TM4SF20: variants seen among roughly 807,000 people sequenced by gnomAD.
The protein encoded by TM4SF20 is transmembrane 4 L6 family member 20.
TM4SF20 carries 13 observed loss-of-function variants against 15.1 expected under a neutral mutation model. That is an observed-to-expected ratio of 0.86 (90% confidence interval 0.56 to 1.36). The LOEUF is 1.36. TM4SF20 is among the 40% of genes most tolerant of loss of function. The pLI is 0.00. For synonymous variants in TM4SF20, 92 were observed against 96.6 expected (o/e 0.95, Z 0.28); for missense variants, 282 against 268.4 (o/e 1.05, Z -0.35).
chr2:227,364,099 A>G, intron 3 of TM4SF20, 87 bp from the exon 4 acceptor site: 1 of 1,305,882 alleles, frequency 7.7e-7, no homozygotes. Flanking sequence ...AATGAGTGAA[A>G]CGAATGTACT....
intron 2 of TM4SF20, among the ~76,000 whole-genome samples, chr2:227,368,354 T>TATATATAA (rs1400432970): frequency 4.4e-5 from 6 of 136,360 alleles, no homozygotes; most frequent in Non-Finnish European, 6.2e-5. Context: ...TATATATATA[T>TATATATAA]AATTTTTTGT....
chr2:227,363,643 C>A lies in TM4SF20; in HGVS notation c.*81G>T, dbSNP rs1028056119. 5.0e-5 allele frequency: 71 copies of A among 1,409,332 alleles called. No homozygotes were observed. The East Asian group carries it at 1.6e-3, about 31-fold the overall frequency. 87.3% of individuals were successfully genotyped at this position (1,409,332 alleles called of 1,614,324 possible). The stretch of plus-strand genomic sequence containing the variant: ...TACGTGAAGGGTTGATTTTTTAAAT[C>A]ATCTCAAAGATGACTTTGAAAACAA... On this transcript the variant is annotated 3_prime_UTR_variant, in exon 4 of 4. Coordinates refer to ENST00000304568, the MANE Select transcript of TM4SF20 (RefSeq NM_024795.4).
chr2:227,381,089 A>G (rs1242334350), upstream of TM4SF20, among the ~76,000 whole-genome samples: 1 of 152,200 alleles, frequency 6.6e-6, no homozygotes, highest in Non-Finnish European at 1.5e-5. Flanking sequence ...AGCCTGGCCA[A>G]TATGGCAAAA....
intron 1 of TM4SF20, among the ~76,000 whole-genome samples, chr2:227,376,600 G>T (rs1356600696): frequency 6.6e-6 from 1 of 152,124 alleles, no homozygotes; most frequent in Non-Finnish European, 1.5e-5. Context: ...ACTTACTGAG[G>T]GTGATAAAGT....
chr2:227,372,033 C>T (rs971280222), intron 1 of TM4SF20, among the ~76,000 whole-genome samples: 5 of 152,138 alleles, frequency 3.3e-5, no homozygotes, highest in African/African-American at 4.8e-5. Flanking sequence ...AGTTTTGTAT[C>T]ATTGAAGGGT....
intron 3 of TM4SF20, 82 bp from the exon 4 acceptor site, chr2:227,364,094 G>A: frequency 7.4e-7 from 1 of 1,345,184 alleles, no homozygotes; most frequent in South Asian, 1.5e-5. Flanking sequence ...AAAAGAATGA[G>A]TGAAACGAAT....
At chr2:227,367,941 C>G (rs1314043376) in intron 2 of TM4SF20, among the ~76,000 whole-genome samples, 1 of 151,378 alleles carries the variant, frequency 6.6e-6, no homozygotes, top group East Asian at 1.9e-4. Context: ...AATCCTGATT[C>G]TTCCATGCTA....
intron 2 of TM4SF20, 133 bp downstream of exon 2, chr2:227,370,782 G>A (rs1337747746): frequency 2.7e-6 from 2 of 740,220 alleles, no homozygotes; most frequent in East Asian, 5.1e-5. Flanking sequence ...AAAATAGCAT[G>A]TTTCTAAGGC....
rs1264072117 is a variant in TM4SF20, at chr2:227,362,586, T to G, written c.*1138A>C. ...CTCATGTGATGAGTTGCAGTCAAAA[T>G]GCAGTCAAAATTGTGTTTCATGCAC... On this transcript the variant is annotated 3_prime_UTR_variant, in exon 4 of 4. Coordinates refer to ENST00000304568, the MANE Select transcript of TM4SF20 (RefSeq NM_024795.4). 1 of 152,152 alleles carries G rather than the reference T, an allele frequency of 6.6e-6. No individual in the cohort carries two copies. The highest frequency in any genetic ancestry group is 1.5e-5 in the Non-Finnish European group (1 of 68,024). The allele number at this position is 152,152 out of a possible 1,614,324, so 9.4% of individuals were successfully genotyped here.
Position 227,370,945 on chromosome 2 carries a change from T to A in TM4SF20, c.219A>T (p.Arg73Ser), listed in dbSNP as rs1025122556. The A allele has an allele frequency of 1.9e-6, 3 of 1,614,068 alleles. No individual in the cohort carries two copies. The highest frequency in any genetic ancestry group is 8.5e-7 in the Non-Finnish European group (1 of 1,179,946). Residue 73 changes from arginine (R) to serine (S), a missense_variant, in exon 2 of 4, where the codon AGA becomes AGT. Arg to Ser is a moderately radical substitution (Grantham distance 110). Coordinates refer to ENST00000304568, the MANE Select transcript of TM4SF20 (RefSeq NM_024795.4). The stretch of plus-strand genomic sequence containing the variant: ...TTCTGTTGTTGCAGCACGCTCTTTT[T>A]CTTGCTGTCAAGGACATTGTTGTTG... ...IPATTMSLTARKRACCNNRTG... is the reference protein window; with the variant it reads ...IPATTMSLTASKRACCNNRTG...
At chr2:227,374,088 TAAAAAAAAAAAA>T (rs79866106) in intron 1 of TM4SF20, among the ~76,000 whole-genome samples, 918 of 85,316 alleles carry the variant, frequency 0.011, 7 homozygotes, top group African/African-American at 0.04. Context: ...AGACCCTGTC[TAAAAAAAAAAAA>T]AAAAAAAAAA....
intron 1 of TM4SF20, among the ~76,000 whole-genome samples, chr2:227,371,392 G>A (rs534086863): frequency 1.3e-5 from 2 of 152,310 alleles, no homozygotes; most frequent in East Asian, 3.9e-4. Context: ...CCAGGCCAGA[G>A]TGCAGTGATA....
chr2:227,372,374 G>C (rs527964736), intron 1 of TM4SF20, among the ~76,000 whole-genome samples: 1 of 152,210 alleles, frequency 6.6e-6, no homozygotes, highest in East Asian at 1.9e-4. Context: ...GGCTGGGCGC[G>C]GTGGCTCATG....
In TM4SF20 at chr2:227,379,095, T is replaced by C. The variant is rs745610267; in HGVS notation, c.174A>G (p.Ala58=). 7.2e-5 allele frequency: 116 copies of C among 1,614,042 alleles called. No individual in the cohort carries two copies. The highest frequency in any genetic ancestry group is 9.6e-5 in the Non-Finnish European group (113 of 1,180,006). Residue 58 remains alanine (A), a synonymous_variant, in exon 1 of 4, where the codon GCA becomes GCG. Transcript: ENST00000304568. ...AATAAATATCACTCACCATCAGACC[T>C]GCTCCTATAATTCCTGGGAACCACC... ...FEWWFPGIIG[A]GLMAIPATTM...
intron 1 of TM4SF20, among the ~76,000 whole-genome samples, chr2:227,373,004 G>A (rs2076428771): frequency 6.6e-6 from 1 of 152,134 alleles, no homozygotes; most frequent in African/African-American, 2.4e-5. Flanking sequence ...GTGAGCCTCT[G>A]TGCTCAGCCG....
At chr2:227,378,712 G>T (rs1382325165) in intron 1 of TM4SF20, among the ~76,000 whole-genome samples, 1 of 152,128 alleles carries the variant, frequency 6.6e-6, no homozygotes, top group Non-Finnish European at 1.5e-5. Flanking sequence ...CACTCCTATT[G>T]CATTTTCTGT....
intron 2 of TM4SF20, among the ~76,000 whole-genome samples, chr2:227,370,541 G>A (rs1049505575): frequency 6.6e-6 from 1 of 152,080 alleles, no homozygotes. Context: ...CAGATCACTC[G>A]AGGTCAGGAG....
At chr2:227,371,646 A>T (rs951093899) in intron 1 of TM4SF20, among the ~76,000 whole-genome samples, 6 of 152,198 alleles carry the variant, frequency 3.9e-5, no homozygotes, top group Admixed American at 1.3e-4. Context: ...CAGAAATTGT[A>T]TGGATTATTC....
intron 1 of TM4SF20, among the ~76,000 whole-genome samples, chr2:227,374,133 A>C (rs1460822860): frequency 6.7e-6 from 1 of 150,152 alleles, no homozygotes; most frequent in East Asian, 1.9e-4. Flanking sequence ...ATTACAACTT[A>C]AATGGATAAA....
Sources: allele counts gnomAD v4.1 joint callset (sites outside exome capture counted in the v4.1 genomes callset), GRCh38; gene constraint gnomAD v4.1.1; transcripts MANE v1.5; gene names NCBI Gene and HGNC (gene_info 2026-07-23, HGNC 2026-07-21).